The following SLC12A8 variants were observed in gnomAD, a reference collection of about 807,000 sequenced individuals.
The protein encoded by SLC12A8 is solute carrier family 12 member 8.
A neutral mutation model predicts 75.6 loss-of-function variants in SLC12A8; 69 were observed. That is an observed-to-expected ratio of 0.91 (90% CI 0.75 to 1.11). SLC12A8 has a LOEUF of 1.11. SLC12A8 is among the 50% of genes most tolerant of loss of function. The pLI is 0.00. For missense variants in SLC12A8, 877 were observed against 896.7 expected, an observed-to-expected ratio of 0.98 and a Z score of 0.28; for synonymous variants, 365 against 372.8, an observed-to-expected ratio of 0.98 and a Z score of 0.24.
chr3:125,174,788 A>T (rs1934483712), intron 5 of SLC12A8, among the ~76,000 whole-genome samples: 1 of 152,246 alleles, frequency 6.6e-6, no homozygotes. Context: ...TGGAAACAGT[A>T]AAAAGATCAG....
chr3:125,135,571 A>C (rs1933465886), intron 6 of SLC12A8, 98 bp downstream of exon 6: 2 of 648,102 alleles, frequency 3.1e-6, no homozygotes, highest in Non-Finnish European at 2.6e-6. Flanking sequence ...TTGGATATAC[A>C]TACCAAGAGT....
intron 2 of SLC12A8, among the ~76,000 whole-genome samples, chr3:125,206,284 T>A (rs1335415249): frequency 6.6e-6 from 1 of 152,218 alleles, no homozygotes; most frequent in Non-Finnish European, 1.5e-5. Flanking sequence ...AACTCAGGGC[T>A]GTGTTCTGGG....
chr3:125,196,164 C>T (rs973806214), intron 2 of SLC12A8, among the ~76,000 whole-genome samples: 3 of 152,110 alleles, frequency 2.0e-5, no homozygotes, highest in African/African-American at 7.2e-5. Flanking sequence ...AAATCAAATA[C>T]AATTAAATCA....
intron 5 of SLC12A8, among the ~76,000 whole-genome samples, chr3:125,140,878 T>C (rs1933614524): frequency 6.6e-6 from 1 of 152,062 alleles, no homozygotes; most frequent in Non-Finnish European, 1.5e-5. Context: ...AGCCACCACG[T>C]CTAGCCTCCC....
chr3:125,185,381 C>T (rs1579532396), intron 4 of SLC12A8, among the ~76,000 whole-genome samples: 1 of 147,856 alleles, frequency 6.8e-6, no homozygotes, highest in African/African-American at 2.5e-5. Flanking sequence ...AAGAAATGGA[C>T]AAATTCCTAG....
chr3:125,102,836 G>C (rs751748720), intron 10 of SLC12A8, among the ~76,000 whole-genome samples: 1 of 152,200 alleles, frequency 6.6e-6, no homozygotes, highest in Non-Finnish European at 1.5e-5. Flanking sequence ...AAAGGTGACC[G>C]TAGTGACAGA....
At chr3:125,126,649 T>C (rs1465655223) in intron 6 of SLC12A8, among the ~76,000 whole-genome samples, 1 of 152,224 alleles carries the variant, frequency 6.6e-6, no homozygotes, top group African/African-American at 2.4e-5. Context: ...ACAGTTTTTC[T>C]AGGCTTTTCA....
chr3:125,138,111 C>T (rs185788714), intron 5 of SLC12A8, among the ~76,000 whole-genome samples: 16 of 152,250 alleles, frequency 1.1e-4, no homozygotes, highest in Admixed American at 9.2e-4. Context: ...AATGTAAAAT[C>T]GGGGGAGGGG....
At chr3:125,205,966 G>T (rs1483284357) in intron 2 of SLC12A8, among the ~76,000 whole-genome samples, 1 of 152,052 alleles carries the variant, frequency 6.6e-6, no homozygotes, top group East Asian at 1.9e-4. Context: ...GGCTTCAAGA[G>T]ATATAAATAT....
intron 5 of SLC12A8, among the ~76,000 whole-genome samples, chr3:125,177,130 A>C (rs702055): frequency 9.2e-5 from 14 of 151,902 alleles, no homozygotes; most frequent in Admixed American, 9.2e-4. Flanking sequence ...ATACACCATG[A>C]AATACTATGC....
intron 2 of SLC12A8, among the ~76,000 whole-genome samples, chr3:125,198,819 C>T (rs1393834247): frequency 1.3e-5 from 2 of 151,274 alleles, no homozygotes; most frequent in Non-Finnish European, 2.9e-5. Flanking sequence ...GCTCTATCAC[C>T]CAGGCTGGAG....
chr3:125,117,122 C>T (rs1030050657), intron 8 of SLC12A8, among the ~76,000 whole-genome samples: 1 of 152,176 alleles, frequency 6.6e-6, no homozygotes, highest in Non-Finnish European at 1.5e-5. Context: ...AAATAATCAC[C>T]TTTGCATGGG....
At position 125,088,341 on chromosome 3, in the gene SLC12A8, A is replaced by G; in HGVS notation, c.1951T>C (p.Trp651Arg). ...GSASNFSFFR[W>R]MRSLLLPSCR... ...GAGGGGAGCAAGAGAGACCTCATCC[A>G]CCGGAAAAAGCTGAAGTTGGAGGCT... is the stretch of plus-strand genomic sequence containing the variant. Residue 651 changes from tryptophan to arginine, a missense_variant, in exon 13 of 14, where the codon TGG (tryptophan) becomes CGG (arginine). Coordinates refer to ENST00000469902, the MANE Select transcript of SLC12A8 (RefSeq NM_024628.6). 6.2e-7 allele frequency: 1 copy of G among 1,614,220 alleles called. No homozygotes were observed.
At chr3:125,203,321 C>A (rs930914569) in intron 2 of SLC12A8, among the ~76,000 whole-genome samples, 1 of 151,978 alleles carries the variant, frequency 6.6e-6, no homozygotes, top group African/African-American at 2.4e-5. Flanking sequence ...AAGCATCACA[C>A]TACCCAACTT....
At chr3:125,148,228 A>C (rs1194110128) in intron 5 of SLC12A8, among the ~76,000 whole-genome samples, 1 of 152,224 alleles carries the variant, frequency 6.6e-6, no homozygotes, top group African/African-American at 2.4e-5. Flanking sequence ...CAGAGATTTA[A>C]AGGCAAATGC....
chr3:125,151,143 C>T (rs934071278), intron 5 of SLC12A8: 3 of 152,182 alleles, frequency 2.0e-5, no homozygotes, highest in Non-Finnish European at 4.4e-5. Context: ...AAACAGTGAA[C>T]ATTACCAGGG....
intron 5 of SLC12A8, among the ~76,000 whole-genome samples, chr3:125,141,860 C>T (rs541070459): frequency 3.3e-5 from 5 of 151,592 alleles, no homozygotes; most frequent in Non-Finnish European, 7.4e-5. Context: ...GGGCTCCGGA[C>T]GGAGCTAGGA....
intron 2 of SLC12A8, among the ~76,000 whole-genome samples, chr3:125,191,763 C>T (rs760191493): frequency 2.0e-5 from 3 of 152,178 alleles, no homozygotes; most frequent in Non-Finnish European, 4.4e-5. Context: ...CTGTATCAGA[C>T]ATCCACAGAT....
intron 5 of SLC12A8, among the ~76,000 whole-genome samples, chr3:125,144,886 A>C (rs1316117128): frequency 1.3e-5 from 2 of 152,018 alleles, no homozygotes; most frequent in Non-Finnish European, 2.9e-5. Flanking sequence ...ACACACCGAT[A>C]TGTAAGCAGA....
Sources: gnomAD v4.1 joint callset for allele counts (sites outside exome capture counted in the v4.1 genomes callset) on GRCh38, gnomAD v4.1.1 for gene constraint, MANE v1.5 for transcripts, NCBI Gene and HGNC (gene_info 2026-07-23, HGNC 2026-07-21) for gene names.